The following KIAA1614 variants were observed in gnomAD, a reference collection of about 807,000 sequenced individuals.
The protein encoded by KIAA1614 is KIAA1614.
KIAA1614 carries 76 observed loss-of-function variants against 88.7 expected under a neutral mutation model. That is an observed-to-expected ratio of 0.86 (90% CI 0.71 to 1.04). The LOEUF (loss-of-function observed/expected upper bound fraction) is 1.04. Among genes scored for constraint, KIAA1614 ranks in the 50% least tolerant of loss-of-function variants. KIAA1614 has a pLI of 0.00. For missense variants in KIAA1614, 1,553 were observed against 1,582.5 expected, an observed-to-expected ratio of 0.98 and a Z score of 0.32; for synonymous variants, 714 against 675.5, an observed-to-expected ratio of 1.06 and a Z score of -0.88.
In KIAA1614 at chr1:180,916,920, G is replaced by C. The variant is rs768006264; in HGVS notation, c.817G>C (p.Gly273Arg). 3 of 1,614,116 alleles carry C rather than the reference G, an allele frequency of 1.9e-6. No individual in the cohort carries two copies. In the African/African-American group the frequency reaches 4.0e-5, roughly 22 times the overall value. ...EVFVPRTALLGERWRAGDLEA... is the reference protein window; with the variant it reads ...EVFVPRTALLRERWRAGDLEA... ...CTTTGTCCCCAGGACGGCCCTGCTG[G>C]GTGAGCGCTGGAGAGCTGGAGACCT... The change falls in exon 2 of 9, where the codon GGT (glycine) becomes CGT (arginine). Residue 273 changes from glycine (G) to arginine (R), a missense_variant. By Grantham distance (125) the Gly-to-Arg change is moderately radical. Transcript: ENST00000367588.
chr1:180,935,525 G>T lies in KIAA1614; in HGVS notation c.1616G>T (p.Cys539Phe). Residue 539 changes from cysteine to phenylalanine, a missense_variant, in exon 5 of 9, where the codon TGC becomes TTC. Cys to Phe is a radical substitution (Grantham distance 205, BLOSUM62 -2). Coordinates refer to ENST00000367588, the MANE Select transcript of KIAA1614 (RefSeq NM_020950.2). The surrounding 1 kb of genome is among the most constrained non-coding windows in gnomAD (Gnocchi z 6.1). ...APGSERRCQACGSCIDDPRPA... is the reference protein window; with the variant it reads ...APGSERRCQAFGSCIDDPRPA... ...GGCAGCGAGAGGAGGTGCCAGGCCT[G>T]CGGCAGCTGCATCGACGACCCGCGC... 6.4e-7 allele frequency: 1 copy of T among 1,556,404 alleles called. No individual in the cohort carries two copies. Among genetic ancestry groups the T allele is most frequent in the Non-Finnish European group, 8.7e-7 (1 of 1,154,516 alleles).
At chr1:180,928,264 A>G (rs1654112552) in intron 3 of KIAA1614, 166 bp from the exon 4 acceptor site, 2 of 807,310 alleles carry the variant, frequency 2.5e-6, no homozygotes, top group Non-Finnish European at 1.8e-6. Flanking sequence ...CCCAGGCCCC[A>G]GGCCCCCAGG....
At position 180,918,771 on chromosome 1, in the gene KIAA1614, G is replaced by A. The variant is rs185699771; in HGVS notation, c.1061+857G>A. 1.2e-4 allele frequency among the ~76,000 whole-genome samples: 19 copies of A among 152,306 alleles called. No homozygotes were observed. The East Asian group carries it at 3.1e-3, about 25-fold the overall frequency. ...CTCCTGCACAAATCCCACTCAGTTA[G>A]AACCACCTCCAGAAAACGTGGACAG... On this transcript the variant is annotated intron_variant, in intron 3 of 8. Transcript: ENST00000367588.
intron 3 of KIAA1614, among the ~76,000 whole-genome samples, chr1:180,919,787 AT>A (rs1363380369): frequency 6.6e-6 from 1 of 152,022 alleles, no homozygotes; most frequent in Non-Finnish European, 1.5e-5. Flanking sequence ...AGGAGATGGT[AT>A]TTGTGTAGAA....
intron 4 of KIAA1614, among the ~76,000 whole-genome samples, chr1:180,932,761 TGTATGGAGTGTAGCAGCACTCA>T (rs990438600): frequency 1.2e-3 from 7 of 6,028 alleles, no homozygotes; most frequent in African/African-American, 1.2e-3. Context: ...GGTCTTGCTC[TGTATGGAGTGTAGCAGCACTCA>T]GTATGGAGTG....
At chr1:180,940,471 A>C (rs1352786037) in intron 6 of KIAA1614, among the ~76,000 whole-genome samples, 8 of 152,240 alleles carry the variant, frequency 5.3e-5, no homozygotes, top group African/African-American at 1.4e-4. Context: ...ATTGCACTCC[A>C]GTCTGGGCAG....
Position 180,912,946 on chromosome 1 carries a change from C to T in KIAA1614, c.-298C>T, listed in dbSNP as rs1653678597. On this transcript the variant is annotated 5_prime_UTR_variant, in exon 1 of 9. Transcript: ENST00000367588. The surrounding 1 kb of genome is among the most constrained non-coding windows in gnomAD (Gnocchi z 5.1). ...GTGAACGGACAGCTGATGCCACTTC[C>T]TTCCCTGCCAGCGCCCTCCCTGCCC... Among the ~76,000 whole-genome samples the T allele has an allele frequency of 6.6e-6, 1 of 151,936 alleles. No homozygotes were observed. Among genetic ancestry groups the T allele is most frequent in the South Asian group, 2.1e-4 (1 of 4,834 alleles).
At chr1:180,928,403 C>T (rs199652895) in intron 3 of KIAA1614, 27 bp from the exon 4 acceptor site, 327 of 1,516,874 alleles carry the variant, frequency 2.2e-4, no homozygotes, top group Non-Finnish European at 2.8e-4. Flanking sequence ...CCTCCCCCAC[C>T]ACCCTGGCCT....
rs1337646108 is a variant in KIAA1614 at position 180,929,711 on chromosome 1, G to A, written c.1205+1138G>A. Among the ~76,000 whole-genome samples the A allele has an allele frequency of 2.0e-5, 3 of 152,218 alleles. No homozygotes were observed. In the South Asian group the frequency reaches 6.2e-4, roughly 31 times the overall value. Reference sequence around the variant, plus strand: ...CACCACCACACAGAGCTGTCTTCCAGTCATGCACCTGGGCCTGAGATGAGG... The same window carrying A: ...CACCACCACACAGAGCTGTCTTCCAATCATGCACCTGGGCCTGAGATGAGG... On this transcript the variant is annotated intron_variant, in intron 4 of 8. Transcript: ENST00000367588.
At chr1:180,914,051 A>G (rs1653721491) in intron 1 of KIAA1614, 1 of 152,166 alleles carries the variant, frequency 6.6e-6, no homozygotes, top group Non-Finnish European at 1.5e-5. Context: ...GAGACTTGCC[A>G]TTTAAGAGAA....
rs1653799669 is a variant in KIAA1614, at chr1:180,916,402, G to A, written c.299G>A (p.Gly100Glu). ...LKEKMTVAKQ[G>E]VSPCSASQEW... ...GAGAAGATGACAGTGGCCAAACAGG[G>A]AGTGAGTCCCTGCTCTGCTTCCCAA... The change falls in exon 2 of 9, where the codon GGA becomes GAA. Residue 100 changes from glycine to glutamate, a missense_variant. Physicochemically the swap from Gly to Glu is moderately conservative, Grantham distance 98 (BLOSUM62 -2). Transcript: ENST00000367588. 1 of 1,614,098 alleles carries A rather than the reference G, an allele frequency of 6.2e-7. No individual in the cohort carries two copies. Among genetic ancestry groups the A allele is most frequent in the Non-Finnish European group, 8.5e-7 (1 of 1,180,044 alleles).
intron 3 of KIAA1614, among the ~76,000 whole-genome samples, chr1:180,924,681 C>T (rs1214842118): frequency 1.3e-5 from 2 of 152,070 alleles, no homozygotes; most frequent in Non-Finnish European, 2.9e-5. Flanking sequence ...TTCTATGGAG[C>T]CCTGTCAAGG....
chr1:180,932,004 TG>T (rs1654207980), intron 4 of KIAA1614, among the ~76,000 whole-genome samples: 1 of 152,018 alleles, frequency 6.6e-6, no homozygotes, highest in Non-Finnish European at 1.5e-5. Flanking sequence ...GTCTTCTTTT[TG>T]GGGGCTATGG....
intron 5 of KIAA1614, 73 bp downstream of exon 5, chr1:180,936,743 C>T: frequency 1.0e-6 from 1 of 992,072 alleles, no homozygotes; most frequent in Non-Finnish European, 1.4e-6. Flanking sequence ...AGACCCAATC[C>T]ATGACACACA....
intron 5 of KIAA1614, among the ~76,000 whole-genome samples, chr1:180,937,357 C>A (rs574529036): frequency 1.5e-4 from 23 of 152,334 alleles, no homozygotes; most frequent in African/African-American, 5.5e-4. Context: ...CCAGACCCTC[C>A]CTGGCCCCTG....
At chr1:180,913,363 G>T in intron 1 of KIAA1614, 70 bp downstream of exon 1, 1 of 1,083,000 alleles carries the variant, frequency 9.2e-7, no homozygotes, top group South Asian at 4.6e-5. Context: ...GAGGAGCGGG[G>T]AGCCCAGGTC....
chr1:180,945,322 C>G lies in KIAA1614; in HGVS notation c.3307C>G (p.Arg1103Gly). 1 of 1,585,688 alleles carries G rather than the reference C, an allele frequency of 6.3e-7. No homozygotes were observed. ...AAGRPAKTSP[R>G]RALSVEDVGA... ...TCGCAGGCCGGCCAAGACTTCACCACGGCGTGCCCTCAGTGTGGAGGACGT... is the reference window on the plus strand; with the variant it reads ...TCGCAGGCCGGCCAAGACTTCACCAGGGCGTGCCCTCAGTGTGGAGGACGT... The change falls in exon 9 of 9, where the codon CGG (arginine) becomes GGG (glycine). Residue 1103 changes from arginine (R) to glycine (G), a missense_variant. By Grantham distance (125) the Arg-to-Gly change is moderately radical. Transcript: ENST00000367588.
In KIAA1614 at chr1:180,946,762, A is replaced by AGGG. The variant is rs1654605123; in HGVS notation, c.*1174_*1175insGGG. ...AGTCTGCCTGCTACCACATTTGCAG[A>AGGG]CCACAGCATGAGTTCTCATGTCTGT... On this transcript the variant is annotated 3_prime_UTR_variant, in exon 9 of 9. Transcript: ENST00000367588. The AGGG allele has an allele frequency of 6.6e-6, 1 of 152,236 alleles. No homozygotes were observed. Among genetic ancestry groups the AGGG allele is most frequent in the Non-Finnish European group, 1.5e-5 (1 of 68,046 alleles). The allele number at this position is 152,236 out of a possible 1,614,324, so 9.4% of individuals were successfully genotyped here. A position where few individuals can be genotyped will look rare whatever the true frequency, so the allele number is the denominator to read the frequency against.
Position 180,935,553 on chromosome 1 carries a change from C to A in KIAA1614, c.1644C>A (p.Pro548=). ...ACGSCIDDPR[P]AQGKAPPVPR... ...GCAGCTGCATCGACGACCCGCGCCC[C>A]GCCCAGGGGAAGGCGCCCCCCGTCC... The change falls in exon 5 of 9, where the codon CCC becomes CCA. Residue 548 remains proline, a synonymous_variant. Coordinates refer to ENST00000367588, the MANE Select transcript of KIAA1614 (RefSeq NM_020950.2). The surrounding 1 kb of genome is among the most constrained non-coding windows in gnomAD (Gnocchi z 6.1). 6.3e-7 allele frequency: 1 copy of A among 1,593,694 alleles called. No homozygotes were observed. The highest frequency in any genetic ancestry group is 1.7e-4 in the Middle Eastern group (1 of 5,908).
Sources: gnomAD v4.1 joint callset for allele counts (sites outside exome capture counted in the v4.1 genomes callset) on GRCh38, gnomAD v4.1.1 for gene constraint, Gnocchi (gnomAD v3.1) non-coding constraint, MANE v1.5 for transcripts, NCBI Gene and HGNC (gene_info 2026-07-23, HGNC 2026-07-21) for gene names.